The following MFSD6 variants were observed in gnomAD, a reference collection of about 807,000 sequenced individuals.
The protein encoded by MFSD6 is major facilitator superfamily domain-containing protein 6.
Under a neutral mutation model 56.3 loss-of-function variants are expected in MFSD6, and 26 were observed. The ratio of observed to expected loss-of-function variants is 0.46; its 90% CI spans 0.34 to 0.64. The LOEUF (loss-of-function observed/expected upper bound fraction) is 0.64. Ranked by LOEUF, MFSD6 falls within the 30% of genes least tolerant of loss-of-function variation. The pLI is 0.01. For synonymous variants in MFSD6, 331 were observed against 366.9 expected, an observed-to-expected ratio of 0.90 and a Z score of 1.12; for missense variants, 750 against 986.2, an observed-to-expected ratio of 0.76 and a Z score of 3.21.
intron 2 of MFSD6, among the ~76,000 whole-genome samples, chr2:190,421,351 T>C (rs1447578200): frequency 6.6e-6 from 1 of 152,222 alleles, no homozygotes; most frequent in Non-Finnish European, 1.5e-5. Flanking sequence ...AAATGTTTAG[T>C]CAGTGATAGA....
In MFSD6 at chr2:190,499,246, A is replaced by T. The variant is rs1000725756; in HGVS notation, c.2173-769A>T. 2.0e-5 allele frequency among the ~76,000 whole-genome samples: 3 copies of T among 152,218 alleles called. No individual in the cohort carries two copies. Among genetic ancestry groups the T allele is most frequent in the Admixed American group, 1.3e-4 (2 of 15,284 alleles). On this transcript the variant is annotated intron_variant, in intron 7 of 7. Coordinates refer to ENST00000392328, the MANE Select transcript of MFSD6 (RefSeq NM_017694.4). The surrounding 1 kb of genome is among the most constrained non-coding windows in gnomAD (Gnocchi z 6.0). ...TATGCTGTAGTTATTCTTAGAAGTC[A>T]TTATACTAAGTTTCTTTTTCTTTCA...
In MFSD6 at chr2:190,436,140, G is replaced by A. The variant is rs755201145; in HGVS notation, c.111G>A (p.Ser37=). Residue 37 remains serine (S), a synonymous_variant, in exon 3 of 8, where the codon TCG becomes TCA. Coordinates refer to ENST00000392328, the MANE Select transcript of MFSD6 (RefSeq NM_017694.4). This position sits in a 1 kb window ranked among gnomAD's most constrained non-coding sequence, Gnocchi z 5.3. ...TTTCCAGGGAACCAGAACCACCTTC[G>A]AATGAAACACCTTCCTCCACAGAAA... The part of the protein sequence containing the change: ...NGISREPEPP[S]NETPSSTETS... 1.7e-5 allele frequency: 28 copies of A among 1,614,046 alleles called. No individual in the cohort carries two copies. The highest frequency in any genetic ancestry group is 6.7e-5 in the African/African-American group (5 of 74,900).
In MFSD6 at chr2:190,433,686, C is replaced by T. The variant is rs1686080634; in HGVS notation, c.-53-2291C>T. ...TCAAAGCTTACAGCTACATTGACAT[C>T]TGGCTTTTGGGGATAACAGATAAAT... On this transcript the variant is annotated intron_variant, in intron 2 of 7. Transcript: ENST00000392328. This position sits in a 1 kb window ranked among gnomAD's most constrained non-coding sequence, Gnocchi z 4.5. 6.6e-6 allele frequency among the ~76,000 whole-genome samples: 1 copy of T among 152,154 alleles called. No homozygotes were observed. The highest frequency in any genetic ancestry group is 1.5e-5 in the Non-Finnish European group (1 of 68,032).
At position 190,496,217 on chromosome 2, in the gene MFSD6, A is replaced by G. The variant is rs1689668389; in HGVS notation, c.1892-1222A>G. ...TCAAGCAAAGATACACAAATGGCCA[A>G]CAAACATGAAACAATGGTCAACATC... On this transcript the variant is annotated intron_variant, in intron 6 of 7. Transcript: ENST00000392328. This position sits in a 1 kb window ranked among gnomAD's most constrained non-coding sequence, Gnocchi z 4.7. 6.6e-6 allele frequency among the ~76,000 whole-genome samples: 1 copy of G among 152,208 alleles called. No homozygotes were observed. Among genetic ancestry groups the G allele is most frequent in the Non-Finnish European group, 1.5e-5 (1 of 68,032 alleles).
At chr2:190,420,275 C>T (rs1676400341) in intron 2 of MFSD6, among the ~76,000 whole-genome samples, 1 of 151,978 alleles carries the variant, frequency 6.6e-6, no homozygotes, top group Non-Finnish European at 1.5e-5. Context: ...AGAAATCCAA[C>T]ATCAAGGTGC....
chr2:190,480,764 G>A (rs1037010173), intron 4 of MFSD6, among the ~76,000 whole-genome samples: 9 of 152,290 alleles, frequency 5.9e-5, no homozygotes, highest in African/African-American at 2.2e-4. Context: ...TTATAGGAGA[G>A]GTTGACATGA....
rs1453984029 is a variant in MFSD6 at position 190,457,026 on chromosome 2, G to A, written c.1533-12732G>A. On this transcript the variant is annotated intron_variant, in intron 3 of 7. Transcript: ENST00000392328. This position sits in a 1 kb window ranked among gnomAD's most constrained non-coding sequence, Gnocchi z 5.1. ...TTCATCCAGCTTCCTTAATCCGCGCGCACAGCTGAGTTCAGAAGTCCAGAA... is the reference window on the plus strand; with the variant it reads ...TTCATCCAGCTTCCTTAATCCGCGCACACAGCTGAGTTCAGAAGTCCAGAA... 1.3e-5 allele frequency among the ~76,000 whole-genome samples: 2 copies of A among 152,112 alleles called. No individual in the cohort carries two copies. Among genetic ancestry groups the A allele is most frequent in the Non-Finnish European group, 2.9e-5 (2 of 68,036 alleles).
At position 190,443,210 on chromosome 2, in the gene MFSD6, G is replaced by A. The variant is rs1686447218; in HGVS notation, c.1532+5649G>A. ...GGGAGAAAAAAAATAAAAGGAACAGGACTTTAAGGATTGTATGGTGGTTAC... is the reference window on the plus strand; with the variant it reads ...GGGAGAAAAAAAATAAAAGGAACAGAACTTTAAGGATTGTATGGTGGTTAC... On this transcript the variant is annotated intron_variant, in intron 3 of 7. Transcript: ENST00000392328. The surrounding 1 kb of genome is among the most constrained non-coding windows in gnomAD (Gnocchi z 4.2). Among the ~76,000 whole-genome samples, 1 of 152,140 alleles carries A rather than the reference G, an allele frequency of 6.6e-6. No homozygotes were observed. Among genetic ancestry groups the A allele is most frequent in the African/African-American group, 2.4e-5 (1 of 41,436 alleles).
At chr2:190,480,452 T>G (rs1688597155) in intron 4 of MFSD6, among the ~76,000 whole-genome samples, 2 of 152,242 alleles carry the variant, frequency 1.3e-5, no homozygotes, top group African/African-American at 4.8e-5. Flanking sequence ...TTATTAAGTA[T>G]CTGAAGAAAA....
upstream of MFSD6, among the ~76,000 whole-genome samples, chr2:190,407,973 G>T (rs957195585): frequency 1.5e-5 from 2 of 131,968 alleles, no homozygotes; most frequent in Non-Finnish European, 3.3e-5. This position sits in a 1 kb window ranked among gnomAD's most constrained non-coding sequence, Gnocchi z 5.4. Context: ...TGGGGGTGCG[G>T]GGGGGTGGAG....
chr2:190,497,933 G>A lies in MFSD6; in HGVS notation c.2172+214G>A. ...AGAATATTCTGCCTTATGGAGTTCAGGAAAACTTCAGAGGTTATGATTCTT... is the reference window on the plus strand; with the variant it reads ...AGAATATTCTGCCTTATGGAGTTCAAGAAAACTTCAGAGGTTATGATTCTT... On this transcript the variant is annotated intron_variant, in intron 7 of 7. Transcript: ENST00000392328. This position sits in a 1 kb window ranked among gnomAD's most constrained non-coding sequence, Gnocchi z 5.2. 4.5e-6 allele frequency: 2 copies of A among 447,994 alleles called. No homozygotes were observed. Among genetic ancestry groups the A allele is most frequent in the Non-Finnish European group, 7.8e-6 (2 of 256,586 alleles). 27.8% of individuals were successfully genotyped at this position (447,994 alleles called of 1,614,324 possible).
chr2:190,483,054 G>T (rs1460701721), intron 4 of MFSD6, among the ~76,000 whole-genome samples: 23 of 149,750 alleles, frequency 1.5e-4, no homozygotes, highest in African/African-American at 2.5e-4. Flanking sequence ...ACCGCGCCCG[G>T]CTAATTTTTT....
chr2:190,409,723 C>T (rs1454108370), intron 1 of MFSD6, among the ~76,000 whole-genome samples: 1 of 152,128 alleles, frequency 6.6e-6, no homozygotes. Context: ...GGGCACTAGC[C>T]AGCTAAAAGT....
At chr2:190,493,210 C>CA (rs1689466439) in intron 6 of MFSD6, among the ~76,000 whole-genome samples, 1 of 151,738 alleles carries the variant, frequency 6.6e-6, no homozygotes, top group Non-Finnish European at 1.5e-5. Context: ...AAATGGACAC[C>CA]AAAAGCAAGC....
intron 2 of MFSD6, among the ~76,000 whole-genome samples, chr2:190,428,456 A>G (rs1685853080): frequency 6.6e-6 from 1 of 152,142 alleles, no homozygotes. Context: ...ATCCTCATCA[A>G]CATTTGATAT....
rs1357925884 is a variant in MFSD6, at chr2:190,492,725, A to T, written c.1891+2859A>T. ...AGCTTCATAAATAAAGGAAAGATAC[A>T]GTCTTTTTCAGACAAACAAATGCTG... On this transcript the variant is annotated intron_variant, in intron 6 of 7. Transcript: ENST00000392328. The surrounding 1 kb of genome is among the most constrained non-coding windows in gnomAD (Gnocchi z 5.2). 6.6e-6 allele frequency among the ~76,000 whole-genome samples: 1 copy of T among 151,980 alleles called. No individual in the cohort carries two copies. Among genetic ancestry groups the T allele is most frequent in the African/African-American group, 2.4e-5 (1 of 41,254 alleles).
rs559646180 is a variant in MFSD6, at chr2:190,490,292, A to G, written c.1891+426A>G. Among the ~76,000 whole-genome samples, 26 of 151,554 alleles carry G rather than the reference A, an allele frequency of 1.7e-4. No individual in the cohort carries two copies. The highest frequency in any genetic ancestry group is 3.5e-3 in the Middle Eastern group (1 of 288). ...AAAAAAAAAAACAATGGCCGGGTGC[A>G]GTGGCTCACGCCTGTAATCCCAACA... On this transcript the variant is annotated intron_variant, in intron 6 of 7. Coordinates refer to ENST00000392328, the MANE Select transcript of MFSD6 (RefSeq NM_017694.4). This position sits in a 1 kb window ranked among gnomAD's most constrained non-coding sequence, Gnocchi z 4.5.
chr2:190,493,235 T>C (rs1396356732), intron 6 of MFSD6, among the ~76,000 whole-genome samples: 2 of 151,956 alleles, frequency 1.3e-5, no homozygotes, highest in African/African-American at 4.8e-5. Context: ...GTAGCTATTC[T>C]TACATCAGAC....
intron 4 of MFSD6, among the ~76,000 whole-genome samples, chr2:190,475,413 T>C (rs1280038710): frequency 6.6e-6 from 1 of 152,036 alleles, no homozygotes; most frequent in East Asian, 1.9e-4. Context: ...CATTCTTATA[T>C]ACCAGTAACA....
Sources: gnomAD v4.1 joint callset for allele counts (sites outside exome capture counted in the v4.1 genomes callset) on GRCh38, gnomAD v4.1.1 for gene constraint, Gnocchi (gnomAD v3.1) non-coding constraint, MANE v1.5 for transcripts, NCBI Gene and HGNC (gene_info 2026-07-23, HGNC 2026-07-21) for gene names.